USP35: variants seen among roughly 807,000 people sequenced by gnomAD.
The protein encoded by USP35 is ubiquitin carboxyl-terminal hydrolase 35.
Under a neutral mutation model 83.8 loss-of-function variants are expected in USP35, and 69 were observed. That is an observed-to-expected ratio of 0.82 (90% CI 0.68 to 1.01). The LOEUF (loss-of-function observed/expected upper bound fraction) is 1.01, where lower values mean the gene tolerates loss of function less well. USP35 is among the 50% of genes least tolerant of loss of function. USP35 has a pLI of 0.00. For missense variants in USP35, 1,503 were observed against 1,362.5 expected (o/e 1.10, Z -1.62); for synonymous variants, 714 against 589.5 (o/e 1.21, Z -3.06).
rs1268997129 is a variant in USP35 at position 78,214,380 on chromosome 11, G to GGA, written c.*568_*569insAG. On this transcript the variant is annotated 3_prime_UTR_variant, in exon 11 of 11. Coordinates refer to ENST00000529308, the MANE Select transcript of USP35 (RefSeq NM_020798.4). ...TACCAAGCGCCACTGCATGGTTTTG[G>GGA]GGGGGGGGGCGGGGGGCTAGCTTCT... The GGA allele has an allele frequency of 3.1e-5, 4 of 127,870 alleles. 1 individual carries two copies. Among genetic ancestry groups the GGA allele is most frequent in the Admixed American group, 7.6e-5 (1 of 13,162 alleles). The allele number at this position is 127,870 out of a possible 1,614,324, so 7.9% of individuals were successfully genotyped here. A position where few individuals can be genotyped will look rare whatever the true frequency, so the allele number is the denominator to read the frequency against.
At chr11:78,222,092 C>G in the USP35 span, 2 of 1,564,846 alleles carry the variant, frequency 1.3e-6, no homozygotes, top group South Asian at 2.2e-5. Flanking sequence ...CACCCCCACA[C>G]ATACGCACTT....
At position 78,196,307 on chromosome 11, in the gene USP35, T is replaced by G. The variant is rs894825112; in HGVS notation, c.62T>G (p.Leu21Arg). Residue 21 changes from leucine (L) to arginine (R), a missense_variant, in exon 2 of 11, where the codon CTG (leucine) becomes CGG (arginine). Coordinates refer to ENST00000529308, the MANE Select transcript of USP35 (RefSeq NM_020798.4). The surrounding 1 kb of genome is among the most constrained non-coding windows in gnomAD (Gnocchi z 4.8). ...SSYPVSVKQG[L>R]VRRVLEAARQ... ...TACCCGGTCAGCGTGAAGCAGGGGC[T>G]GGTTCGGCGCGTGCTGGAGGCGGCG... is the stretch of plus-strand genomic sequence containing the variant. 6.3e-7 allele frequency: 1 copy of G among 1,592,668 alleles called. No homozygotes were observed. Among genetic ancestry groups the G allele is most frequent in the Non-Finnish European group, 8.5e-7 (1 of 1,176,666 alleles).
Position 78,210,229 on chromosome 11 carries a change from G to C in USP35, c.2374G>C (p.Glu792Gln). 6.2e-7 allele frequency: 1 copy of C among 1,614,048 alleles called. No homozygotes were observed. The change falls in exon 10 of 11, where the codon GAG becomes CAG. Residue 792 changes from glutamate (E) to glutamine (Q), a missense_variant. Glu to Gln is a conservative substitution (Grantham distance 29). Transcript: ENST00000529308. ...GTCGTGTGCCTCCCTGCAGGATGCC[G>C]AGAAGGTGGTGGAGCTGAGCCAAGG... ...CESCASLQDA[E>Q]KVVELSQGPC...
At chr11:78,193,790 C>T (rs140084315) in intron 1 of USP35, among the ~76,000 whole-genome samples, 6 of 152,308 alleles carry the variant, frequency 3.9e-5, no homozygotes, top group African/African-American at 1.2e-4. Context: ...ACATCATTTC[C>T]CTCATTTCCT....
At chr11:78,219,263 G>C, downstream of USP35, 1 of 1,612,026 alleles carries the variant, frequency 6.2e-7, no homozygotes, top group Non-Finnish European at 8.5e-7. Context: ...CTCTGCGGTG[G>C]CCCTCTCATC....
chr11:78,215,839 T>C (rs935706805), downstream of USP35: 5 of 152,508 alleles, frequency 3.3e-5, no homozygotes, highest in African/African-American at 1.2e-4. Context: ...AAGGCCCAGA[T>C]GGGGAAGGAA....
At chr11:78,236,696 T>C in the USP35 span, among the ~76,000 whole-genome samples, 5 of 152,256 alleles carry the variant, frequency 3.3e-5, no homozygotes, top group Admixed American at 3.3e-4. Context: ...AGTTGTCAAA[T>C]GCTTCCTCTG....
the USP35 span, among the ~76,000 whole-genome samples, chr11:78,232,857 C>A: frequency 6.6e-6 from 1 of 152,076 alleles, no homozygotes; most frequent in East Asian, 1.9e-4. Flanking sequence ...CTTTATACCC[C>A]CTACTCAAAA....
In USP35 at chr11:78,196,528, C is replaced by G; in HGVS notation, c.283C>G (p.Pro95Ala). The G allele has an allele frequency of 8.2e-7, 1 of 1,220,148 alleles. No individual in the cohort carries two copies. The highest frequency in any genetic ancestry group is 4.2e-5 in the East Asian group (1 of 24,020). The allele number at this position is 1,220,148 out of a possible 1,614,324, so 75.6% of individuals were successfully genotyped here. ...GCGCCTGCTGCAGGGTGGCGCCGGC[C>G]CCCCGGGCCCCCGCGCGCTCGCCTG... Reference protein sequence around the residue: ...VLRLLQGGAGPPGPRALACVQ... With the variant: ...VLRLLQGGAGAPGPRALACVQ... Residue 95 changes from proline (P) to alanine (A), a missense_variant, in exon 2 of 11, where the codon CCC becomes GCC. Pro to Ala is a conservative substitution (Grantham distance 27). Coordinates refer to ENST00000529308, the MANE Select transcript of USP35 (RefSeq NM_020798.4). This position sits in a 1 kb window ranked among gnomAD's most constrained non-coding sequence, Gnocchi z 4.8.
chr11:78,203,954 G>A (rs575200674), intron 6 of USP35, among the ~76,000 whole-genome samples: 137 of 141,142 alleles, frequency 9.7e-4, no homozygotes, highest in African/African-American at 3.5e-3. Flanking sequence ...GCAGTGGCGG[G>A]ATCTCGGCTC....
the USP35 span, among the ~76,000 whole-genome samples, chr11:78,222,405 T>G: frequency 6.6e-6 from 1 of 152,032 alleles, no homozygotes; most frequent in African/African-American, 2.4e-5. Flanking sequence ...TATATATTCT[T>G]TCTGCTGTAT....
chr11:78,195,094 G>A (rs542932241), intron 1 of USP35, among the ~76,000 whole-genome samples: 17 of 152,278 alleles, frequency 1.1e-4, no homozygotes, highest in Admixed American at 1.0e-3. Context: ...GGCAGGCAGA[G>A]CCCTAGGTGT....
chr11:78,200,328 T>C, intron 5 of USP35, 94 bp downstream of exon 5: 1 of 1,435,684 alleles, frequency 7.0e-7, no homozygotes, highest in East Asian at 2.3e-5. Flanking sequence ...CCCTGCCTGC[T>C]GACCCTGGGC....
the USP35 span, chr11:78,232,007 A>C: frequency 6.6e-6 from 1 of 152,182 alleles, no homozygotes; most frequent in Non-Finnish European, 1.5e-5. Context: ...AATCTTTATG[A>C]GATGAGGCAA....
At chr11:78,221,639 T>G in the USP35 span, 1 of 1,359,078 alleles carries the variant, frequency 7.4e-7, no homozygotes. Context: ...CCCAGGGGAC[T>G]TGAAAGGCGT....
At chr11:78,207,026 G>T (rs2134407277) in intron 7 of USP35, among the ~76,000 whole-genome samples, 1 of 152,358 alleles carries the variant, frequency 6.6e-6, no homozygotes, top group East Asian at 1.9e-4. Context: ...TGCTCTAGGG[G>T]CAGGGGCCAG....
Position 78,213,786 on chromosome 11 carries a change from T to G in USP35, c.3030T>G (p.Gly1010=), listed in dbSNP as rs761265262. ...GCTGCAATCCTGCAGGTGGCAATGG[T>G]GGTGACTTCCACAGACTGGTCTTCT... The part of the protein sequence containing the change: ...PGGCNPAGGN[G]GDFHRLVF Residue 1010 remains glycine, a synonymous_variant, in exon 11 of 11, where the codon GGT becomes GGG. Coordinates refer to ENST00000529308, the MANE Select transcript of USP35 (RefSeq NM_020798.4). 6.4e-6 allele frequency: 10 copies of G among 1,551,280 alleles called. No individual in the cohort carries two copies. The highest frequency in any genetic ancestry group is 2.2e-5 in the Admixed American group (1 of 45,796).
chr11:78,232,965 G>C, the USP35 span, among the ~76,000 whole-genome samples: 1 of 151,052 alleles, frequency 6.6e-6, no homozygotes, highest in Non-Finnish European at 1.5e-5. Flanking sequence ...AGAGCACCTA[G>C]TATATAATGT....
In USP35 at chr11:78,196,890, A is replaced by G. The variant is rs1190668367; in HGVS notation, c.645A>G (p.Lys215=). 8 of 1,472,454 alleles carry G rather than the reference A, an allele frequency of 5.4e-6. No homozygotes were observed. The South Asian group carries it at 6.6e-5, about 12-fold the overall frequency. 91.2% of individuals were successfully genotyped at this position (1,472,454 alleles called of 1,614,324 possible). A position where few individuals can be genotyped will look rare whatever the true frequency, so the allele number is the denominator to read the frequency against. Residue 215 remains lysine (K), a synonymous_variant, in exon 2 of 11, where the codon AAA becomes AAG. Transcript: ENST00000529308. This position sits in a 1 kb window ranked among gnomAD's most constrained non-coding sequence, Gnocchi z 4.8. ...CCGCCGCCATCCTGCCCTGCCTCAA[A>G]GAGCTGTTCGCAGTCATCTCCTGCG... ...AQPAAILPCL[K]ELFAVISCAE...
Sources: allele counts gnomAD v4.1 joint callset (sites outside exome capture counted in the v4.1 genomes callset), GRCh38; gene constraint gnomAD v4.1.1; non-coding constraint Gnocchi (gnomAD v3.1); transcripts MANE v1.5; gene names NCBI Gene and HGNC (gene_info 2026-07-23, HGNC 2026-07-21).